Variants in DNAAF11 observed in about 807,000 individuals in gnomAD.
DNAAF11 encodes the protein leucine rich repeat containing 6.
In DNAAF11, 45 loss-of-function variants were observed where a neutral mutation model predicts 60.8. That is an observed-to-expected ratio of 0.74 (90% confidence interval 0.58 to 0.95). The LOEUF is 0.95. Among genes scored for constraint, DNAAF11 ranks in the 40% least tolerant of loss-of-function variants. The probability of loss-of-function intolerance (pLI) is 0.00; values close to 1 mark genes in which losing one functional copy is unlikely to be tolerated. For synonymous variants in DNAAF11, 191 were observed against 183.5 expected, an observed-to-expected ratio of 1.04 and a Z score of -0.33; for missense variants, 546 against 546.2, an observed-to-expected ratio of 1.00 and a Z score of 0.00.
At chr8:132,674,351 G>A (rs917257748) in intron 1 of DNAAF11, among the ~76,000 whole-genome samples, 2 of 151,928 alleles carry the variant, frequency 1.3e-5, no homozygotes, top group Non-Finnish European at 2.9e-5. Context: ...ACTCCCCCCC[G>A]ACCCCCACCT....
At position 132,671,923 on chromosome 8, in the gene DNAAF11, A is replaced by G. The variant is rs940757819; in HGVS notation, c.10+3561T>C. 5.0e-5 allele frequency among the ~76,000 whole-genome samples: 7 copies of G among 140,350 alleles called. No individual in the cohort carries two copies. In the South Asian group the frequency reaches 8.8e-4, roughly 18 times the overall value. The allele number at this position is 140,350 out of a possible 152,430, so 92.1% of individuals were successfully genotyped here. ...AACCAAAAATTATAAAATTTCTAGG[A>G]AAAAAAAGAGAAAAATCTATGTAAA... is the stretch of plus-strand genomic sequence containing the variant. On this transcript the variant is annotated intron_variant, in intron 1 of 11. Coordinates refer to ENST00000620350, the MANE Select transcript of DNAAF11 (RefSeq NM_012472.6).
intron 10 of DNAAF11, among the ~76,000 whole-genome samples, chr8:132,590,212 G>A (rs1816319720): frequency 6.6e-6 from 1 of 152,190 alleles, no homozygotes. Flanking sequence ...GGCAATGGAG[G>A]GAAGCTGGAG....
chr8:132,586,784 T>G (rs4538852), intron 10 of DNAAF11, among the ~76,000 whole-genome samples: 2,201 of 152,244 alleles, frequency 0.014, 62 homozygotes, highest in African/African-American at 0.051. Flanking sequence ...CCTTTGTTGG[T>G]CCTGCATCAC....
At position 132,625,451 on chromosome 8, in the gene DNAAF11, G is replaced by A; in HGVS notation, c.657C>T (p.Ser219=). ...GTAGGTGGTCTTTGCTCTCTAAAGA[G>A]GAACTAGGAAAAACAAATAGAGCAC... The part of the protein sequence containing the change: ...RWYTDINATL[S]SLESKDHLQA... The change falls in exon 6 of 12, where the codon TCC becomes TCT. Residue 219 remains serine (S), a synonymous_variant. Transcript: ENST00000620350. The A allele has an allele frequency of 6.3e-7, 1 of 1,595,380 alleles. No individual in the cohort carries two copies. The highest frequency in any genetic ancestry group is 8.5e-7 in the Non-Finnish European group (1 of 1,173,316).
intron 10 of DNAAF11, among the ~76,000 whole-genome samples, chr8:132,601,003 A>G (rs1817555061): frequency 6.6e-6 from 1 of 152,246 alleles, no homozygotes; most frequent in African/African-American, 2.4e-5. Context: ...AGAATGGGAA[A>G]AAAGTTTTGC....
chr8:132,599,115 A>T (rs1035984975), intron 10 of DNAAF11, among the ~76,000 whole-genome samples: 58 of 152,298 alleles, frequency 3.8e-4, no homozygotes, highest in African/African-American at 1.1e-3. Context: ...CCACAGAAAT[A>T]CAAACTACCA....
chr8:132,592,536 T>C (rs1354402229), intron 10 of DNAAF11, among the ~76,000 whole-genome samples: 3 of 152,102 alleles, frequency 2.0e-5, no homozygotes, highest in Non-Finnish European at 2.9e-5. Context: ...CATGCAGGAA[T>C]TGTAGGCTGT....
At chr8:132,674,117 G>A (rs1454503101) in intron 1 of DNAAF11, among the ~76,000 whole-genome samples, 2 of 137,282 alleles carry the variant, frequency 1.5e-5, no homozygotes, top group East Asian at 4.0e-4. Context: ...AGGAGCAGGA[G>A]GAGGAGGAGG....
chr8:132,572,598 C>A (rs1367417828), intron 11 of DNAAF11, 118 bp from the exon 12 acceptor site: 4 of 617,784 alleles, frequency 6.5e-6, no homozygotes, highest in South Asian at 2.7e-5. Flanking sequence ...GCCTGGAGCA[C>A]AGAAATAAAA....
the DNAAF11 span, among the ~76,000 whole-genome samples, chr8:132,696,377 C>G: frequency 6.6e-6 from 1 of 152,080 alleles, no homozygotes; most frequent in Non-Finnish European, 1.5e-5. Flanking sequence ...CTTTGAAAAG[C>G]AGTTGGCATT....
At chr8:132,601,743 A>C (rs1013768906) in intron 10 of DNAAF11, among the ~76,000 whole-genome samples, 2 of 152,038 alleles carry the variant, frequency 1.3e-5, no homozygotes, top group African/African-American at 4.8e-5. Context: ...GGACACAGGA[A>C]GGGGAACATC....
chr8:132,672,109 T>C (rs1825247434), intron 1 of DNAAF11, among the ~76,000 whole-genome samples: 1 of 152,174 alleles, frequency 6.6e-6, no homozygotes, highest in Non-Finnish European at 1.5e-5. Context: ...TGATGACCTA[T>C]ATCCAGAATA....
intron 3 of DNAAF11, among the ~76,000 whole-genome samples, chr8:132,640,115 A>C (rs761031794): frequency 3.9e-5 from 6 of 152,128 alleles, no homozygotes; most frequent in African/African-American, 9.7e-5. Context: ...TCTTCAACCC[A>C]CTTTTCACTA....
intron 1 of DNAAF11, among the ~76,000 whole-genome samples, chr8:132,669,953 A>T (rs1825023675): frequency 7.7e-6 from 1 of 130,554 alleles, no homozygotes; most frequent in African/African-American, 4.0e-5. Context: ...AAAAAAAAAA[A>T]AAAAAAAAAA....
At chr8:132,600,842 C>T (rs1260083055) in intron 10 of DNAAF11, among the ~76,000 whole-genome samples, 3 of 152,152 alleles carry the variant, frequency 2.0e-5, no homozygotes, top group Non-Finnish European at 1.5e-5. Context: ...CTAGGCAATA[C>T]CATTCAGGAC....
At chr8:132,696,892 G>A in the DNAAF11 span, among the ~76,000 whole-genome samples, 1 of 152,110 alleles carries the variant, frequency 6.6e-6, no homozygotes, top group East Asian at 1.9e-4. Context: ...CCACTTGAGG[G>A]TAGAGGGTGG....
intron 4 of DNAAF11, among the ~76,000 whole-genome samples, chr8:132,633,485 G>A (rs1472717615): frequency 6.6e-6 from 1 of 152,104 alleles, no homozygotes; most frequent in African/African-American, 2.4e-5. Flanking sequence ...TAAAATAAAA[G>A]CATCAACTAA....
chr8:132,625,146 G>C (rs1820122248), intron 6 of DNAAF11, 126 bp downstream of exon 6: 9 of 637,988 alleles, frequency 1.4e-5, no homozygotes, highest in Non-Finnish European at 2.2e-5. Flanking sequence ...GCTATACTTA[G>C]AAAAAACAAA....
chr8:132,664,288 C>T (rs1824413283), intron 1 of DNAAF11, among the ~76,000 whole-genome samples: 1 of 152,166 alleles, frequency 6.6e-6, no homozygotes, highest in Admixed American at 6.5e-5. Flanking sequence ...GGTCTCTGGC[C>T]TCATACTGCC....
Sources: allele counts gnomAD v4.1 joint callset (sites outside exome capture counted in the v4.1 genomes callset), GRCh38; gene constraint gnomAD v4.1.1; transcripts MANE v1.5; gene names NCBI Gene and HGNC (gene_info 2026-07-23, HGNC 2026-07-21).